The following C11orf97 variants were observed in gnomAD, a reference collection of about 807,000 sequenced individuals.
The protein encoded by C11orf97 is chromosome 11 open reading frame 97.
C11orf97 carries 15 observed loss-of-function variants against 16.2 expected under a neutral mutation model. The ratio of observed to expected loss-of-function variants is 0.93; its 90% CI spans 0.62 to 1.43. C11orf97 has a LOEUF of 1.43. Ranked by LOEUF, C11orf97 falls within the 40% of genes most tolerant of loss-of-function variation. C11orf97 has a pLI of 0.00. For synonymous variants in C11orf97, 61 were observed against 65.7 expected, an observed-to-expected ratio of 0.93 and a Z score of 0.34; for missense variants, 171 against 161.2, an observed-to-expected ratio of 1.06 and a Z score of -0.33.
intron 2 of C11orf97, among the ~76,000 whole-genome samples, chr11:94,522,567 A>T (rs1947666905): frequency 6.6e-6 from 1 of 151,940 alleles, no homozygotes; most frequent in South Asian, 2.1e-4. Context: ...AAAACAATTG[A>T]CACCTCTCCC....
rs1466626689 is a variant in C11orf97, at chr11:94,517,596, A to G, written c.159A>G (p.Leu53=). 3 of 1,526,424 alleles carry G rather than the reference A, an allele frequency of 2.0e-6. No homozygotes were observed. The highest frequency in any genetic ancestry group is 1.2e-5 in the South Asian group (1 of 81,766). 94.6% of individuals were successfully genotyped at this position (1,526,424 alleles called of 1,614,324 possible). A position where few individuals can be genotyped will look rare whatever the true frequency, so the allele number is the denominator to read the frequency against. ...ATGCCTTTATAGGGAAGAAATTTTT[A>G]TATTGTGAGCCACATAAGAGAATTA... ...LEHGQQWKKF[L]YCEPHKRIKE... The change falls in exon 2 of 4, where the codon TTA becomes TTG. Residue 53 remains leucine, a synonymous_variant. Transcript: ENST00000542198.
At chr11:94,522,850 A>T (rs1947669840) in intron 2 of C11orf97, among the ~76,000 whole-genome samples, 1 of 152,192 alleles carries the variant, frequency 6.6e-6, no homozygotes, top group African/African-American at 2.4e-5. Flanking sequence ...TTTATATACA[A>T]ATCTAGATGT....
At chr11:94,528,320 T>A in intron 3 of C11orf97, 111 bp downstream of exon 3, 1 of 1,011,436 alleles carries the variant, frequency 9.9e-7, no homozygotes, top group Non-Finnish European at 1.3e-6. Context: ...TCAACCTTCC[T>A]TTGACTTGTT....
At chr11:94,518,354 G>A (rs492001) in intron 2 of C11orf97, among the ~76,000 whole-genome samples, 1 of 151,792 alleles carries the variant, frequency 6.6e-6, no homozygotes, top group Admixed American at 6.6e-5. Flanking sequence ...CTGGGAGCTT[G>A]TTAAAAGCAG....
intron 1 of C11orf97, among the ~76,000 whole-genome samples, chr11:94,513,303 G>A (rs1947584161): frequency 6.6e-6 from 1 of 152,156 alleles, no homozygotes; most frequent in Admixed American, 6.6e-5. Context: ...AGACAGTTCT[G>A]GCCCACAGCC....
intron 2 of C11orf97, among the ~76,000 whole-genome samples, chr11:94,519,237 AACTCCTTTGGGTCTTCTCGTATG>A (rs1320004213): frequency 3.3e-5 from 5 of 152,110 alleles, no homozygotes; most frequent in African/African-American, 1.2e-4. Flanking sequence ...CAGACATAGA[AACTCCTTTGGGTCTTCTCGTATG>A]ACCCATTCTT....
At chr11:94,528,050 A>G (rs1414306690) in intron 2 of C11orf97, 34 bp from the exon 3 acceptor site, 1 of 1,503,294 alleles carries the variant, frequency 6.7e-7, no homozygotes, top group Non-Finnish European at 8.8e-7. Context: ...GAATACGCTA[A>G]TAATTATTTT....
At chr11:94,513,708 ATGTCATTCCTTT>A (rs1359719247) in intron 1 of C11orf97, among the ~76,000 whole-genome samples, 2 of 152,204 alleles carry the variant, frequency 1.3e-5, no homozygotes, top group African/African-American at 4.8e-5. Flanking sequence ...TGACTATGAA[ATGTCATTCCTTT>A]TGTTATTATT....
intron 2 of C11orf97, among the ~76,000 whole-genome samples, chr11:94,524,468 G>A (rs959754037): frequency 6.6e-6 from 1 of 151,048 alleles, no homozygotes; most frequent in Non-Finnish European, 1.5e-5. Context: ...TGTAGGTTCA[G>A]TTTCAGTTTA....
chr11:94,525,205 T>C (rs1947690663), intron 2 of C11orf97, among the ~76,000 whole-genome samples: 1 of 152,198 alleles, frequency 6.6e-6, no homozygotes, highest in African/African-American at 2.4e-5. Context: ...AGAAATAAAG[T>C]GATGTATTAA....
rs190283751 is a variant in C11orf97 at position 94,523,753 on chromosome 11, C to T, written c.251-4331C>T. ...GGGATACCGTTGGTTGCATAGCTAGCGGGACACAGGAGAAATAGTTGTTCA... is the reference window on the plus strand; with the variant it reads ...GGGATACCGTTGGTTGCATAGCTAGTGGGACACAGGAGAAATAGTTGTTCA... On this transcript the variant is annotated intron_variant, in intron 2 of 3. Transcript: ENST00000542198. Among the ~76,000 whole-genome samples, 263 of 152,234 alleles carry T rather than the reference C, an allele frequency of 1.7e-3. 1 individual carries two copies. The highest frequency in any genetic ancestry group is 3.9e-3 in the Admixed American group (60 of 15,294).
chr11:94,529,004 G>A (rs1722176691), intron 3 of C11orf97, among the ~76,000 whole-genome samples: 1 of 152,114 alleles, frequency 6.6e-6, no homozygotes, highest in Admixed American at 6.6e-5. Flanking sequence ...AATAGGCTGG[G>A]CACAGTGGCT....
rs377329821 is a variant in C11orf97, at chr11:94,530,148, C to T, written c.377-1748C>T. 9.9e-5 allele frequency among the ~76,000 whole-genome samples: 15 copies of T among 152,248 alleles called. No individual in the cohort carries two copies. The East Asian group carries it at 2.9e-3, about 29-fold the overall frequency. Reference sequence around the variant, plus strand: ...TTTCATTTTGATCATAATTGCATTCCTTTCATCCATACAATTTAAGAGACA... The same window carrying T: ...TTTCATTTTGATCATAATTGCATTCTTTTCATCCATACAATTTAAGAGACA... On this transcript the variant is annotated intron_variant, in intron 3 of 3. Coordinates refer to ENST00000542198, the MANE Select transcript of C11orf97 (RefSeq NM_001190462.2).
chr11:94,516,878 G>A (rs1011256577), intron 1 of C11orf97, among the ~76,000 whole-genome samples: 1 of 152,192 alleles, frequency 6.6e-6, no homozygotes, highest in African/African-American at 2.4e-5. Flanking sequence ...AGCTCAGAGA[G>A]CAAGAGAGAG....
At chr11:94,520,024 T>G (rs530080955) in intron 2 of C11orf97, among the ~76,000 whole-genome samples, 2 of 152,224 alleles carry the variant, frequency 1.3e-5, no homozygotes, top group African/African-American at 4.8e-5. Context: ...ATAAAACTTT[T>G]AGAGAATTGT....
At chr11:94,516,031 G>C (rs765764817) in intron 1 of C11orf97, among the ~76,000 whole-genome samples, 17 of 152,144 alleles carry the variant, frequency 1.1e-4, no homozygotes, top group Non-Finnish European at 2.2e-4. Flanking sequence ...CTTCAGTAAT[G>C]CTGATCCCAT....
intron 1 of C11orf97, among the ~76,000 whole-genome samples, chr11:94,514,987 G>C (rs1947600745): frequency 6.6e-6 from 1 of 152,104 alleles, no homozygotes. Context: ...AACCTGGCTG[G>C]CTGGCCACTT....
chr11:94,532,071 A>G lies in C11orf97; in HGVS notation c.*171A>G. ...ATAAATTAATCCAAAGTAATGAAAG[A>G]CTATTGGTAATGTTCAGTAAGTACC... On this transcript the variant is annotated 3_prime_UTR_variant, in exon 4 of 4. Transcript: ENST00000542198. 2.3e-6 allele frequency: 1 copy of G among 427,440 alleles called. No homozygotes were observed. The highest frequency in any genetic ancestry group is 4.0e-6 in the Non-Finnish European group (1 of 250,442). 26.5% of individuals were successfully genotyped at this position (427,440 alleles called of 1,614,324 possible). A position where few individuals can be genotyped will look rare whatever the true frequency, so the allele number is the denominator to read the frequency against.
intron 1 of C11orf97, among the ~76,000 whole-genome samples, chr11:94,515,395 A>G (rs1166621850): frequency 6.6e-6 from 1 of 152,154 alleles, no homozygotes; most frequent in Non-Finnish European, 1.5e-5. Flanking sequence ...CATACTTCTC[A>G]GTGATCACAG....
Sources: gnomAD v4.1 joint callset for allele counts (sites outside exome capture counted in the v4.1 genomes callset) on GRCh38, gnomAD v4.1.1 for gene constraint, MANE v1.5 for transcripts, NCBI Gene and HGNC (gene_info 2026-07-23, HGNC 2026-07-21) for gene names.